Variants in RYR3 observed in about 807,000 individuals in gnomAD.
The protein encoded by RYR3 is brain ryanodine receptor-calcium release channel.
A neutral mutation model predicts 584.3 loss-of-function variants in RYR3; 207 were observed. That is an observed-to-expected ratio of 0.35 (90% CI 0.32 to 0.40). The LOEUF (loss-of-function observed/expected upper bound fraction) is 0.40, where lower values mean the gene tolerates loss of function less well. RYR3 is among the 10% of genes least tolerant of loss of function. RYR3 has a pLI of 1.00. For missense variants in RYR3, 5,616 were observed against 6,089.2 expected, an observed-to-expected ratio of 0.92 and a Z score of 2.59; for synonymous variants, 2,416 against 2,248.5, an observed-to-expected ratio of 1.07 and a Z score of -2.11.
chr15:33,763,904 A>AAAAAAAAAAAC (rs2072748899), intron 60 of RYR3, among the ~76,000 whole-genome samples: 1 of 130,576 alleles, frequency 7.7e-6, no homozygotes, highest in African/African-American at 3.3e-5. Context: ...AAAAAAAAAA[A>AAAAAAAAAAAC]AAAAAAAAAA....
intron 11 of RYR3, among the ~76,000 whole-genome samples, chr15:33,565,922 C>G (rs575578900): frequency 3.8e-4 from 58 of 152,298 alleles, no homozygotes; most frequent in African/African-American, 1.2e-3. Flanking sequence ...CCTCTGATAA[C>G]AAACACTCAT....
At chr15:33,477,079 G>T (rs964222067) in intron 2 of RYR3, among the ~76,000 whole-genome samples, 2 of 152,174 alleles carry the variant, frequency 1.3e-5, no homozygotes, top group Non-Finnish European at 2.9e-5. Context: ...TGGAAGTCAT[G>T]CAGTGAGGTG....
In RYR3 at chr15:33,414,615, A is replaced by AT. The variant is rs780344605; in HGVS notation, c.52-58796dup. The stretch of plus-strand genomic sequence containing the variant: ...CTTGAAGTTTGAATAAGTAATTTTT[A>AT]TTTTTTTTGGATGGAGTCTCGCTCT... On this transcript the variant is annotated intron_variant, in intron 1 of 103. Coordinates refer to ENST00000634891, the MANE Select transcript of RYR3 (RefSeq NM_001036.6). Among the ~76,000 whole-genome samples the AT allele has an allele frequency of 8.6e-4, 131 of 151,914 alleles. 2 individuals are homozygous for AT. The highest frequency in any genetic ancestry group is 1.7e-3 in the Non-Finnish European group (116 of 67,920).
At chr15:33,446,265 A>G (rs75777580) in intron 1 of RYR3, among the ~76,000 whole-genome samples, 1 of 152,094 alleles carries the variant, frequency 6.6e-6, no homozygotes, top group South Asian at 2.1e-4. Context: ...GAAATTGAAG[A>G]CTTAGGACAA....
chr15:33,472,538 G>A (rs993724405), intron 1 of RYR3, among the ~76,000 whole-genome samples: 2 of 152,166 alleles, frequency 1.3e-5, no homozygotes, highest in Non-Finnish European at 2.9e-5. Context: ...CTGGAAATCT[G>A]TTTGCTGCTT....
intron 60 of RYR3, among the ~76,000 whole-genome samples, chr15:33,758,210 G>A (rs2072043121): frequency 6.6e-6 from 1 of 152,180 alleles, no homozygotes; most frequent in South Asian, 2.1e-4. Flanking sequence ...CACAAAACTG[G>A]GTGGCCGTTC....
chr15:33,707,938 C>T (rs1480464220), intron 43 of RYR3, among the ~76,000 whole-genome samples: 1 of 152,186 alleles, frequency 6.6e-6, no homozygotes, highest in Non-Finnish European at 1.5e-5. Flanking sequence ...CTGTACTATA[C>T]TATAGTCTTA....
chr15:33,601,632 G>C, intron 17 of RYR3, 80 bp downstream of exon 17: 1 of 1,489,438 alleles, frequency 6.7e-7, no homozygotes, highest in Non-Finnish European at 9.3e-7. Context: ...GGGCTCATCT[G>C]AACTCCAAAG....
chr15:33,488,731 A>G (rs561643760), intron 2 of RYR3, among the ~76,000 whole-genome samples: 4 of 152,278 alleles, frequency 2.6e-5, no homozygotes, highest in African/African-American at 9.6e-5. Flanking sequence ...ACGTGCCTAT[A>G]GTTCCAGCTA....
Position 33,780,304 on chromosome 15 carries a change from CTCGGTCTTCAA to C in RYR3, c.9232_9242del (p.Ser3078HisfsTer22), listed in dbSNP as rs1268372708. On this transcript the variant is annotated frameshift_variant, in exon 65 of 104. Transcript: ENST00000634891. LOFTEE classifies it high-confidence loss of function. ...CCACCCTTAATCGCTACAATCCACT[CTCGGTCTTCAA>C]CACCAAAACCCCCAGGGAGAGGTCT... is the stretch of plus-strand genomic sequence containing the variant. 1 of 1,613,910 alleles carries C rather than the reference CTCGGTCTTCAA, an allele frequency of 6.2e-7. No individual in the cohort carries two copies.
intron 102 of RYR3, 53 bp downstream of exon 102, chr15:33,861,231 A>C: frequency 7.6e-7 from 1 of 1,314,376 alleles, no homozygotes; most frequent in South Asian, 1.3e-5. Context: ...AAATAAAGCC[A>C]ATTAGGTCAT....
intron 70 of RYR3, 87 bp downstream of exon 70, chr15:33,807,656 G>A: frequency 2.2e-6 from 3 of 1,334,888 alleles, no homozygotes; most frequent in South Asian, 1.3e-5. Context: ...ATCACCATGG[G>A]GGTGGTAGAG....
intron 19 of RYR3, among the ~76,000 whole-genome samples, chr15:33,615,017 A>G (rs2060381128): frequency 6.6e-6 from 1 of 152,074 alleles, no homozygotes; most frequent in Non-Finnish European, 1.5e-5. Context: ...TGCTATTTTT[A>G]ATTATTTTAA....
intron 1 of RYR3, among the ~76,000 whole-genome samples, chr15:33,439,310 CCAA>C (rs2046015626): frequency 1.3e-5 from 2 of 152,104 alleles, no homozygotes; most frequent in Non-Finnish European, 2.9e-5. Context: ...TCGAATAGAA[CCAA>C]CAACAGTAAA....
At chr15:33,648,391 A>G (rs1322155836) in intron 30 of RYR3, among the ~76,000 whole-genome samples, 1 of 152,206 alleles carries the variant, frequency 6.6e-6, no homozygotes, top group Non-Finnish European at 1.5e-5. Context: ...GCTCAGTTTC[A>G]TAAGGAAAAT....
intron 2 of RYR3, among the ~76,000 whole-genome samples, chr15:33,499,889 G>C (rs1207824744): frequency 6.6e-6 from 1 of 152,228 alleles, no homozygotes; most frequent in Non-Finnish European, 1.5e-5. Flanking sequence ...AGGCATGACT[G>C]TGTATGAACC....
chr15:33,628,802 C>G (rs1362340371), intron 21 of RYR3, among the ~76,000 whole-genome samples: 1 of 152,164 alleles, frequency 6.6e-6, no homozygotes, highest in African/African-American at 2.4e-5. Flanking sequence ...TCAGAATACT[C>G]ACATCTCTCC....
At chr15:33,595,678 T>A (rs1395653935) in intron 16 of RYR3, among the ~76,000 whole-genome samples, 1 of 152,174 alleles carries the variant, frequency 6.6e-6, no homozygotes, top group Non-Finnish European at 1.5e-5. Flanking sequence ...AGATGAGCCT[T>A]CAATTGCTAT....
intron 1 of RYR3, among the ~76,000 whole-genome samples, chr15:33,436,627 A>G (rs1247480705): frequency 6.6e-6 from 1 of 151,730 alleles, no homozygotes; most frequent in Non-Finnish European, 1.5e-5. Context: ...CAGGCTCCCA[A>G]GTAGCTGGGA....
Sources: allele counts gnomAD v4.1 joint callset (sites outside exome capture counted in the v4.1 genomes callset), GRCh38; gene constraint gnomAD v4.1.1; transcripts MANE v1.5; gene names NCBI Gene and HGNC (gene_info 2026-07-23, HGNC 2026-07-21).